The following KLC2 variants were observed in gnomAD, a reference collection of about 807,000 sequenced individuals.
The protein encoded by KLC2 is kinesin light chain 2, also known as KLC 2.
A neutral mutation model predicts 75.1 loss-of-function variants in KLC2; 35 were observed. The observed-to-expected ratio is 0.47, with a 90% CI of 0.36 to 0.62. The LOEUF (loss-of-function observed/expected upper bound fraction) is 0.62, where lower values mean the gene tolerates loss of function less well. KLC2 is among the 20% of genes least tolerant of loss of function. The pLI is 0.00. For missense variants in KLC2, 611 were observed against 833.2 expected (o/e 0.73, Z 3.28); for synonymous variants, 314 against 336.7 (o/e 0.93, Z 0.74).
At chr11:66,260,014 G>A (rs1360188017) in intron 2 of KLC2, among the ~76,000 whole-genome samples, 1 of 152,158 alleles carries the variant, frequency 6.6e-6, no homozygotes, top group Non-Finnish European at 1.5e-5. Context: ...CCATTGGGAT[G>A]TACAAGGAGT....
chr11:66,264,332 C>T lies in KLC2; in HGVS notation c.1117-13C>T. The T allele has an allele frequency of 6.2e-7, 1 of 1,605,898 alleles. No homozygotes were observed. Among genetic ancestry groups the T allele is most frequent in the East Asian group, 2.2e-5 (1 of 44,772 alleles). ...CATGCATCCCGCTCACTCTCTGGGT[C>T]TCCCGCTTCCAGGCTTCCTGCTACC... On this transcript the variant is annotated splice_polypyrimidine_tract_variant and intron_variant, in intron 8 of 15. Coordinates refer to ENST00000394067, the MANE Select transcript of KLC2 (RefSeq NM_001318734.2).
At chr11:66,248,798 A>G in the KLC2 span, among the ~76,000 whole-genome samples, 3 of 151,986 alleles carry the variant, frequency 2.0e-5, no homozygotes, top group East Asian at 1.9e-4. Context: ...AGTGGTGCCA[A>G]CCTAGTTCAC....
the KLC2 span, chr11:66,244,692 G>A: frequency 6.6e-6 from 1 of 152,320 alleles, no homozygotes; most frequent in African/African-American, 2.4e-5. Flanking sequence ...GGGTGGGAGG[G>A]ACTGAGTTGA....
chr11:66,251,960 G>C, the KLC2 span, among the ~76,000 whole-genome samples: 1 of 152,188 alleles, frequency 6.6e-6, no homozygotes, highest in Non-Finnish European at 1.5e-5. Context: ...CCGTGTGGGA[G>C]AGCTGACGCT....
Position 66,266,459 on chromosome 11 carries a change from T to G in KLC2, c.1754T>G (p.Phe585Cys). 2 of 1,612,396 alleles carry G rather than the reference T, an allele frequency of 1.2e-6. No individual in the cohort carries two copies. The highest frequency in any genetic ancestry group is 1.7e-6 in the Non-Finnish European group (2 of 1,178,844). ...ATGAAGCGGGCCAGTTCCCTCAACT[T>G]CCTCAACAAGAGCGTGGAAGAGCCG... is the stretch of plus-strand genomic sequence containing the variant. The part of the protein sequence containing the change: ...PRMKRASSLN[F>C]LNKSVEEPTQ... The change falls in exon 15 of 16, where the codon TTC becomes TGC. Residue 585 changes from phenylalanine (F) to cysteine (C), a missense_variant. Physicochemically the swap from Phe to Cys is radical, Grantham distance 205. Transcript: ENST00000394067.
chr11:66,266,631 G>A, intron 15 of KLC2, 141 bp downstream of exon 15: 1 of 981,818 alleles, frequency 1.0e-6, no homozygotes, highest in Non-Finnish European at 1.6e-6. Flanking sequence ...GGACAACGGG[G>A]AGACACGAGG....
the KLC2 span, among the ~76,000 whole-genome samples, chr11:66,248,509 C>G: frequency 4.6e-5 from 7 of 152,006 alleles, no homozygotes; most frequent in African/African-American, 7.3e-5. Context: ...CGCAGCTACT[C>G]GGGAGGCTGA....
chr11:66,264,782 C>G, intron 9 of KLC2: 1 of 587,812 alleles, frequency 1.7e-6, no homozygotes, highest in South Asian at 2.1e-5. Context: ...CTCCTGAGTC[C>G]CTCGGAGCCT....
the KLC2 span, chr11:66,244,171 G>A: frequency 6.6e-6 from 1 of 152,124 alleles, no homozygotes; most frequent in Non-Finnish European, 1.5e-5. Flanking sequence ...CCTGGACTTG[G>A]AGAGATGGGA....
At position 66,264,087 on chromosome 11, in the gene KLC2, C is replaced by G. The variant is rs749337161; in HGVS notation, c.984C>G (p.Ser328Arg). ...ACCCAGATGTGGCCAAGCAGCTCAGCAACCTGGCCCTGCTGTGCCAGAACC... is the reference window on the plus strand; with the variant it reads ...ACCCAGATGTGGCCAAGCAGCTCAGGAACCTGGCCCTGCTGTGCCAGAACC... ...KFHPDVAKQL[S>R]NLALLCQNQG... is the part of the protein sequence containing the mutation. The change falls in exon 8 of 16, where the codon AGC (serine) becomes AGG (arginine). Residue 328 changes from serine to arginine, a missense_variant. Ser to Arg is a moderately radical substitution (Grantham distance 110, BLOSUM62 -1). Transcript: ENST00000394067. 1 of 1,606,260 alleles carries G rather than the reference C, an allele frequency of 6.2e-7. No homozygotes were observed.
At chr11:66,256,159 A>G (rs148121487), upstream of KLC2, among the ~76,000 whole-genome samples, 1 of 152,046 alleles carries the variant, frequency 6.6e-6, no homozygotes, top group East Asian at 1.9e-4. Context: ...TAATCCCAGC[A>G]CTTTGGGAGG....
rs1856809423 is a variant in KLC2, at chr11:66,266,168, C to T, written c.1678C>T (p.Leu560=). Residue 560 remains leucine, a synonymous_variant, in exon 14 of 16, where the codon CTG becomes TTG. Transcript: ENST00000394067. ...RDALRRSSEM[L]VKKLQGGTPQ... Reference sequence around the variant, plus strand: ...TGCCCTGAGGCGCAGCAGTGAGATGCTGGTAAAGAAGCTGCAGGGGGGCAC... The same window carrying T: ...TGCCCTGAGGCGCAGCAGTGAGATGTTGGTAAAGAAGCTGCAGGGGGGCAC... 2 of 1,612,936 alleles carry T rather than the reference C, an allele frequency of 1.2e-6. No individual in the cohort carries two copies. Among genetic ancestry groups the T allele is most frequent in the Non-Finnish European group, 1.7e-6 (2 of 1,179,554 alleles).
At chr11:66,265,289 A>G in intron 11 of KLC2, 54 bp downstream of exon 11, 1 of 1,482,784 alleles carries the variant, frequency 6.7e-7, no homozygotes, top group Non-Finnish European at 9.4e-7. Context: ...CGGGCTCCAC[A>G]TTCCATACTC....
chr11:66,266,113 G>A lies in KLC2; in HGVS notation c.1623G>A (p.Arg541=), dbSNP rs1360190424. Residue 541 remains arginine, a synonymous_variant, in exon 14 of 16, where the codon AGG becomes AGA. Transcript: ENST00000394067. ...EWNGDGSGSL[R]RSGSFGKLRD... is the part of the protein sequence containing the mutation. Reference sequence around the variant, plus strand: ...TGCAGGATGGCAGTGGCTCCTTGAGGCGCAGCGGTTCCTTTGGGAAACTCC... The same window carrying A: ...TGCAGGATGGCAGTGGCTCCTTGAGACGCAGCGGTTCCTTTGGGAAACTCC... The A allele has an allele frequency of 3.1e-6, 5 of 1,614,050 alleles. No individual in the cohort carries two copies. In the Admixed American group the frequency reaches 8.3e-5, roughly 27 times the overall value.
chr11:66,248,029 C>T, the KLC2 span, among the ~76,000 whole-genome samples: 4 of 152,232 alleles, frequency 2.6e-5, no homozygotes, highest in Middle Eastern at 0.014. Context: ...GCAGCTGTGC[C>T]CAGTCACCAG....
chr11:66,259,675 TG>T (rs1565168303), intron 2 of KLC2: 1 of 152,178 alleles, frequency 6.6e-6, no homozygotes, highest in Non-Finnish European at 1.5e-5. Flanking sequence ...CTGGCTGAGA[TG>T]TGGAGAATAA....
Position 66,266,226 on chromosome 11 carries a change from C to T in KLC2, c.1727+9C>T. The T allele has an allele frequency of 1.3e-6, 2 of 1,593,444 alleles. No homozygotes were observed. The highest frequency in any genetic ancestry group is 1.3e-5 in the African/African-American group (1 of 74,322). ...GAGCCCCCTAACCCCAGGTGAGCCC[C>T]CCACCAAGGTGAGCCTCAAGAACCA... On this transcript the variant is annotated intron_variant, in intron 14 of 15. Coordinates refer to ENST00000394067, the MANE Select transcript of KLC2 (RefSeq NM_001318734.2).
chr11:66,266,080 T>G lies in KLC2; in HGVS notation c.1603-13T>G. On this transcript the variant is annotated splice_polypyrimidine_tract_variant and intron_variant, in intron 13 of 15. Transcript: ENST00000394067. ...GGCCAGCGGGGCCTAGAGGCAAGCC[T>G]GTCCACCTGCAGGATGGCAGTGGCT... 6.2e-7 allele frequency: 1 copy of G among 1,614,050 alleles called. No individual in the cohort carries two copies. Among genetic ancestry groups the G allele is most frequent in the Non-Finnish European group, 8.5e-7 (1 of 1,179,930 alleles).
intron 11 of KLC2, 148 bp from the exon 12 acceptor site, chr11:66,265,507 G>C: frequency 1.4e-6 from 1 of 732,618 alleles, no homozygotes; most frequent in South Asian, 1.9e-5. Flanking sequence ...GAAGAGGCTG[G>C]GTGGGCCCAG....
Sources: allele counts gnomAD v4.1 joint callset (sites outside exome capture counted in the v4.1 genomes callset), GRCh38; gene constraint gnomAD v4.1.1; transcripts MANE v1.5; gene names NCBI Gene and HGNC (gene_info 2026-07-23, HGNC 2026-07-21).